The following ATP9B variants were observed in gnomAD, a reference collection of about 807,000 sequenced individuals.
ATP9B encodes probable phospholipid-transporting ATPase IIB.
ATP9B carries 110 observed loss-of-function variants against 146.1 expected under a neutral mutation model. That is an observed-to-expected ratio of 0.75 (90% confidence interval 0.65 to 0.88). The LOEUF is 0.88. Among genes scored for constraint, ATP9B ranks in the 40% least tolerant of loss-of-function variants. The probability of loss-of-function intolerance (pLI) is 0.00; values close to 1 mark genes in which losing one functional copy is unlikely to be tolerated. For synonymous variants in ATP9B, 604 were observed against 569.7 expected (o/e 1.06, Z -0.86); for missense variants, 1,499 against 1,496.4 (o/e 1.00, Z -0.03).
At chr18:79,205,664 G>C (rs2095527213) in intron 9 of ATP9B, among the ~76,000 whole-genome samples, 2 of 152,136 alleles carry the variant, frequency 1.3e-5, no homozygotes, top group Non-Finnish European at 2.9e-5. Flanking sequence ...GTTACTTCTA[G>C]ATGCAGGGCT....
chr18:79,236,038 C>T lies in ATP9B; in HGVS notation c.1108-17343C>T, dbSNP rs553386122. The stretch of plus-strand genomic sequence containing the variant: ...CGAGTGGTATTCCTGGGTCGTATAG[C>T]GTGTCTGTATTCATTTCACATAATT... On this transcript the variant is annotated intron_variant, in intron 11 of 29. Transcript: ENST00000426216. Among the ~76,000 whole-genome samples the T allele has an allele frequency of 5.3e-4, 80 of 152,118 alleles. No homozygotes were observed. The Middle Eastern group carries it at 0.017, about 32-fold the overall frequency.
intron 7 of ATP9B, among the ~76,000 whole-genome samples, chr18:79,173,417 TTTC>T (rs2095109771): frequency 6.6e-6 from 1 of 150,658 alleles, no homozygotes; most frequent in African/African-American, 2.5e-5. Context: ...GCCCTGAGGA[TTTC>T]TTCTTGTGGT....
chr18:79,315,194 C>T (rs909836478), intron 15 of ATP9B, among the ~76,000 whole-genome samples: 6 of 152,188 alleles, frequency 3.9e-5, no homozygotes, highest in Non-Finnish European at 8.8e-5. Flanking sequence ...AATAGTATTG[C>T]TTTTGGGTTT....
chr18:79,200,757 G>GA (rs2095472995), intron 9 of ATP9B, among the ~76,000 whole-genome samples: 3 of 152,250 alleles, frequency 2.0e-5, no homozygotes, highest in African/African-American at 7.2e-5. Flanking sequence ...AGGTGGAGGT[G>GA]GGAACGTTGG....
At chr18:79,184,267 G>T (rs2095282436) in intron 8 of ATP9B, among the ~76,000 whole-genome samples, 1 of 152,194 alleles carries the variant, frequency 6.6e-6, no homozygotes, top group Non-Finnish European at 1.5e-5. Context: ...TCCAGCTGAT[G>T]CACAAAGACC....
chr18:79,375,372 C>T, intron 28 of ATP9B, 22 bp from the exon 29 acceptor site: 2 of 1,597,290 alleles, frequency 1.3e-6, no homozygotes, highest in Non-Finnish European at 1.7e-6. Context: ...CCTTTATTTT[C>T]TTTATTACTG....
intron 26 of ATP9B, chr18:79,361,023 A>G (rs759710321): frequency 1.2e-4 from 18 of 152,228 alleles, no homozygotes. Flanking sequence ...TGCCTTACAA[A>G]CATACGGGAA....
Position 79,350,771 on chromosome 18 carries a change from C to CTT in ATP9B, c.2903+2589_2903+2590dup, listed in dbSNP as rs34086629. ...TTTACAGTAATTATTACATTAGTTG[C>CTT]TTTTTTTTTTTTTTTGAGACAGAGT... On this transcript the variant is annotated intron_variant, in intron 25 of 29. Coordinates refer to ENST00000426216, the MANE Select transcript of ATP9B (RefSeq NM_198531.5). Among the ~76,000 whole-genome samples the CTT allele has an allele frequency of 4.6e-3, 646 of 140,786 alleles. 4 individuals are homozygous for CTT. The highest frequency in any genetic ancestry group is 0.014 in the South Asian group (64 of 4,462). The allele number at this position is 140,786 out of a possible 152,430, so 92.4% of individuals were successfully genotyped here.
At chr18:79,093,728 A>C (rs759404797) in intron 1 of ATP9B, among the ~76,000 whole-genome samples, 2 of 152,012 alleles carry the variant, frequency 1.3e-5, no homozygotes, top group Non-Finnish European at 2.9e-5. Flanking sequence ...GTGTGCACAC[A>C]CCCCCTCCCC....
rs149218665 is a variant in ATP9B at position 79,202,876 on chromosome 18, A to G, written c.955-4061A>G. Among the ~76,000 whole-genome samples the G allele has an allele frequency of 5.3e-4, 80 of 152,368 alleles. No homozygotes were observed. The Middle Eastern group carries it at 0.014, about 26-fold the overall frequency. On this transcript the variant is annotated intron_variant, in intron 9 of 29. Transcript: ENST00000426216. ...GAAACCAGCTAAAATTTCTAAAATGAAATTATATAGAACCTTTTGTTTACA... is the reference window on the plus strand; with the variant it reads ...GAAACCAGCTAAAATTTCTAAAATGGAATTATATAGAACCTTTTGTTTACA...
chr18:79,173,856 T>G (rs28419454), intron 7 of ATP9B: 59,442 of 427,336 alleles, frequency 0.14, 5,213 homozygotes, highest in African/African-American at 0.3. Flanking sequence ...TATACACATT[T>G]TAGAATAATC....
In ATP9B at chr18:79,348,184, T is replaced by C; in HGVS notation, c.2891T>C (p.Phe964Ser). Residue 964 changes from phenylalanine to serine, a missense_variant, in exon 25 of 30, where the codon TTC becomes TCC. By Grantham distance (155) the Phe-to-Ser change is radical. Coordinates refer to ENST00000426216, the MANE Select transcript of ATP9B (RefSeq NM_198531.5). The stretch of plus-strand genomic sequence containing the variant: ...GCATCCGTCCCTTTGTATCAGGGCT[T>C]CCTCATGGTGGGGTAAGTTACACTC... ...YFASVPLYQG[F>S]LMVGYATIYT... The C allele has an allele frequency of 6.2e-7, 1 of 1,609,488 alleles. No homozygotes were observed. The highest frequency in any genetic ancestry group is 8.5e-7 in the Non-Finnish European group (1 of 1,178,684).
intron 5 of ATP9B, among the ~76,000 whole-genome samples, chr18:79,134,547 A>G (rs1188213175): frequency 8.5e-5 from 13 of 152,230 alleles, no homozygotes; most frequent in Admixed American, 7.8e-4. Context: ...TCCAGATGAA[A>G]GTGCTGAGCC....
intron 7 of ATP9B, among the ~76,000 whole-genome samples, chr18:79,175,187 G>T (rs563966988): frequency 7.2e-6 from 1 of 138,120 alleles, no homozygotes; most frequent in Non-Finnish European, 1.5e-5. Context: ...GCGACAGAGC[G>T]AGACTGTCTC....
intron 7 of ATP9B, among the ~76,000 whole-genome samples, chr18:79,175,815 G>C (rs1030621334): frequency 6.6e-6 from 1 of 151,788 alleles, no homozygotes; most frequent in Non-Finnish European, 1.5e-5. Context: ...ACACAAGTTA[G>C]CCATGCACGC....
intron 13 of ATP9B, among the ~76,000 whole-genome samples, chr18:79,281,266 G>A (rs1337634201): frequency 6.6e-6 from 1 of 152,156 alleles, no homozygotes; most frequent in Non-Finnish European, 1.5e-5. Context: ...GGAGGCTGAG[G>A]CGGGTGGATC....
chr18:79,154,587 T>C (rs2094744845), intron 7 of ATP9B, 32 bp downstream of exon 7: 2 of 1,418,294 alleles, frequency 1.4e-6, no homozygotes, highest in South Asian at 1.5e-5. Context: ...CTTACCTAAC[T>C]GTATATTATT....
intron 12 of ATP9B, among the ~76,000 whole-genome samples, chr18:79,267,901 CA>C (rs1337885482): frequency 6.6e-6 from 1 of 152,056 alleles, no homozygotes; most frequent in East Asian, 1.9e-4. Flanking sequence ...CTGTCTACCA[CA>C]AGGGTTTTTC....
At chr18:79,113,686 T>A (rs1467796987) in intron 4 of ATP9B, among the ~76,000 whole-genome samples, 1 of 152,188 alleles carries the variant, frequency 6.6e-6, no homozygotes, top group Non-Finnish European at 1.5e-5. Flanking sequence ...GAATGGGGGC[T>A]GGGGCTGTGG....
Sources: allele counts gnomAD v4.1 joint callset (sites outside exome capture counted in the v4.1 genomes callset), GRCh38; gene constraint gnomAD v4.1.1; transcripts MANE v1.5; gene names NCBI Gene and HGNC (gene_info 2026-07-23, HGNC 2026-07-21).